The following ADCY8 variants were observed in gnomAD, a reference collection of about 807,000 sequenced individuals.
The protein encoded by ADCY8 is adenylate cyclase type 8.
Under a neutral mutation model 119.7 loss-of-function variants are expected in ADCY8, and 51 were observed. The observed-to-expected ratio is 0.43, with a 90% CI of 0.34 to 0.54. The LOEUF (loss-of-function observed/expected upper bound fraction) is 0.54. Ranked by LOEUF, ADCY8 falls within the 20% of genes least tolerant of loss-of-function variation. The probability of loss-of-function intolerance (pLI) is 0.03; values close to 1 mark genes in which losing one functional copy is unlikely to be tolerated. For missense variants in ADCY8, 1,383 were observed against 1,598.8 expected, an observed-to-expected ratio of 0.87 and a Z score of 2.30; for synonymous variants, 665 against 651.0, an observed-to-expected ratio of 1.02 and a Z score of -0.33.
intron 9 of ADCY8, among the ~76,000 whole-genome samples, chr8:130,854,903 C>A (rs1178840239): frequency 7.1e-6 from 1 of 140,626 alleles, no homozygotes; most frequent in African/African-American, 2.7e-5. Context: ...CTCCCTCCCT[C>A]CCCCTTTTCT....
In ADCY8 at chr8:130,792,169, C is replaced by T. The variant is rs114404961; in HGVS notation, c.3061-6694G>A. Among the ~76,000 whole-genome samples the T allele has an allele frequency of 8.4e-3, 1,274 of 152,278 alleles. 19 individuals are homozygous for T. The highest frequency in any genetic ancestry group is 0.029 in the African/African-American group (1,207 of 41,562). ...GCAGCACTGGACCCAGCTGATGGGG[C>T]TCTACTCCTGTTTATACCTTTGTTC... is the stretch of plus-strand genomic sequence containing the variant. On this transcript the variant is annotated intron_variant, in intron 15 of 17. Transcript: ENST00000286355.
intron 15 of ADCY8, among the ~76,000 whole-genome samples, chr8:130,798,850 A>C (rs2130103732): frequency 6.6e-6 from 1 of 152,220 alleles, no homozygotes; most frequent in Non-Finnish European, 1.5e-5. Flanking sequence ...ATTAGCCTAA[A>C]CTTCCATTGA....
At chr8:130,783,610 G>T in intron 17 of ADCY8, 81 bp downstream of exon 17, 1 of 987,890 alleles carries the variant, frequency 1.0e-6, no homozygotes, top group Non-Finnish European at 1.5e-6. Context: ...AGCTTTCCTG[G>T]ATTGATGCCC....
chr8:130,866,120 G>T (rs1326452214), intron 9 of ADCY8, among the ~76,000 whole-genome samples: 1 of 152,050 alleles, frequency 6.6e-6, no homozygotes, highest in Non-Finnish European at 1.5e-5. Context: ...ATATTGGAAT[G>T]TATGGGTCTA....
rs544169081 is a variant in ADCY8, at chr8:131,002,940, G to A, written c.961-12398C>T. Among the ~76,000 whole-genome samples the A allele has an allele frequency of 5.9e-5, 9 of 152,222 alleles. No individual in the cohort carries two copies. In the South Asian group the frequency reaches 1.5e-3, roughly 25 times the overall value. On this transcript the variant is annotated intron_variant, in intron 1 of 17. Coordinates refer to ENST00000286355, the MANE Select transcript of ADCY8 (RefSeq NM_001115.3). Reference sequence around the variant, plus strand: ...ACTAAGGCTGGGCACGGTGGCTCACGCCTGCATCCCAGCACTTTGGATGGC... The same window carrying A: ...ACTAAGGCTGGGCACGGTGGCTCACACCTGCATCCCAGCACTTTGGATGGC...
At chr8:130,813,227 G>A (rs28803179) in intron 14 of ADCY8, among the ~76,000 whole-genome samples, 3,089 of 152,250 alleles carry the variant, frequency 0.02, 110 homozygotes, top group African/African-American at 0.071. Context: ...GATTATAGGC[G>A]TGAGCCACTG....
intron 11 of ADCY8, among the ~76,000 whole-genome samples, chr8:130,845,946 G>C (rs547396042): frequency 6.6e-6 from 1 of 152,256 alleles, no homozygotes; most frequent in South Asian, 2.1e-4. Context: ...TGCTTTCTGA[G>C]CTCTAGTTTT....
At chr8:130,969,509 G>T (rs1821860972) in intron 2 of ADCY8, among the ~76,000 whole-genome samples, 1 of 152,062 alleles carries the variant, frequency 6.6e-6, no homozygotes, top group African/African-American at 2.4e-5. Flanking sequence ...TGTTACTGTA[G>T]CTATTGTTAT....
chr8:130,981,960 G>A (rs1822253199), intron 2 of ADCY8, among the ~76,000 whole-genome samples: 1 of 152,112 alleles, frequency 6.6e-6, no homozygotes, highest in African/African-American at 2.4e-5. Flanking sequence ...TATTATCTTC[G>A]ACAGATGTTG....
At chr8:130,811,865 C>A (rs574654309) in intron 14 of ADCY8, among the ~76,000 whole-genome samples, 1 of 152,300 alleles carries the variant, frequency 6.6e-6, no homozygotes, top group African/African-American at 2.4e-5. Flanking sequence ...CTAGACCTTC[C>A]CTTGGGAGTC....
intron 5 of ADCY8, among the ~76,000 whole-genome samples, chr8:130,929,099 T>C (rs1820555121): frequency 6.6e-6 from 1 of 152,160 alleles, no homozygotes; most frequent in Non-Finnish European, 1.5e-5. Flanking sequence ...CTTTCAACTT[T>C]ATCTTTTCAA....
At chr8:130,991,174 GT>G (rs1563758432) in intron 1 of ADCY8, among the ~76,000 whole-genome samples, 1 of 152,054 alleles carries the variant, frequency 6.6e-6, no homozygotes, top group Non-Finnish European at 1.5e-5. Context: ...TCTAACTACT[GT>G]TCAGTCAAGA....
intron 1 of ADCY8, among the ~76,000 whole-genome samples, chr8:131,005,243 C>T (rs149100727): frequency 2.4e-3 from 370 of 152,284 alleles, no homozygotes; most frequent in African/African-American, 8.5e-3. Flanking sequence ...AAAGGCTAAA[C>T]GAGGCCATTG....
intron 9 of ADCY8, among the ~76,000 whole-genome samples, chr8:130,862,502 T>C (rs1378640824): frequency 6.6e-6 from 1 of 152,166 alleles, no homozygotes; most frequent in Non-Finnish European, 1.5e-5. Flanking sequence ...AAGCTCCGCC[T>C]CCCAGGTTCA....
chr8:130,992,382 CATATATATATATATATAT>C (rs1161136558), intron 1 of ADCY8, among the ~76,000 whole-genome samples: 25 of 78,084 alleles, frequency 3.2e-4, no homozygotes, highest in South Asian at 1.8e-3. Context: ...CTGTATCTGG[CATATATATATATATATAT>C]ATATATATAT....
chr8:130,863,215 T>A (rs1027654613), intron 9 of ADCY8, among the ~76,000 whole-genome samples: 3 of 152,180 alleles, frequency 2.0e-5, no homozygotes, highest in Non-Finnish European at 4.4e-5. Context: ...TTAATCACTA[T>A]GTAATTTCCA....
intron 1 of ADCY8, among the ~76,000 whole-genome samples, chr8:131,008,868 G>C (rs940719831): frequency 2.6e-5 from 4 of 152,130 alleles, no homozygotes; most frequent in Non-Finnish European, 5.9e-5. Flanking sequence ...TTTGGAACTG[G>C]AGCAATGGTG....
At chr8:131,009,413 T>C (rs1406596412) in intron 1 of ADCY8, among the ~76,000 whole-genome samples, 3 of 152,208 alleles carry the variant, frequency 2.0e-5, no homozygotes, top group Non-Finnish European at 4.4e-5. Context: ...TTCCCCATCC[T>C]ATTCTCATGA....
intron 2 of ADCY8, among the ~76,000 whole-genome samples, chr8:130,963,330 G>A (rs1821664755): frequency 6.6e-6 from 1 of 152,134 alleles, no homozygotes; most frequent in African/African-American, 2.4e-5. Context: ...TAGCAAAATG[G>A]TCAATGAAGA....
Sources: allele counts gnomAD v4.1 joint callset (sites outside exome capture counted in the v4.1 genomes callset), GRCh38; gene constraint gnomAD v4.1.1; transcripts MANE v1.5; gene names NCBI Gene and HGNC (gene_info 2026-07-23, HGNC 2026-07-21).